Variants in BCL2 observed in about 807,000 individuals in gnomAD.
BCL2 encodes the protein apoptosis regulator Bcl-2.
BCL2 carries 1 observed loss-of-function variant against 14.2 expected under a neutral mutation model. The observed-to-expected ratio is 0.07, with a 90% CI of 0.02 to 0.33. The LOEUF (loss-of-function observed/expected upper bound fraction) is 0.33. Ranked by LOEUF, BCL2 falls within the 10% of genes least tolerant of loss-of-function variation. The pLI, the probability that BCL2 is intolerant of heterozygous loss-of-function variation, is 0.99. For synonymous variants in BCL2, 151 were observed against 137.2 expected, an observed-to-expected ratio of 1.10 and a Z score of -0.70; for missense variants, 247 against 305.9, an observed-to-expected ratio of 0.81 and a Z score of 1.44.
intron 2 of BCL2, among the ~76,000 whole-genome samples, chr18:63,217,992 AAGG>A (rs752472273): frequency 1.4e-4 from 21 of 152,316 alleles, no homozygotes; most frequent in Non-Finnish European, 1.9e-4. Flanking sequence ...GGAAAAAAGG[AAGG>A]AAGGGAGGGA....
At chr18:63,187,666 G>C (rs1915621262) in intron 2 of BCL2, among the ~76,000 whole-genome samples, 1 of 152,186 alleles carries the variant, frequency 6.6e-6, no homozygotes, top group South Asian at 2.1e-4. Flanking sequence ...TGTCAGAAAA[G>C]CAAGAAATGG....
intron 2 of BCL2, among the ~76,000 whole-genome samples, chr18:63,170,362 G>C (rs1029350343): frequency 2.6e-5 from 4 of 152,110 alleles, no homozygotes; most frequent in African/African-American, 9.7e-5. Flanking sequence ...CAATGAGCTT[G>C]GAATGGTGCC....
At chr18:63,193,657 T>C (rs58807442) in intron 2 of BCL2, among the ~76,000 whole-genome samples, 95,747 of 149,810 alleles carry the variant, frequency 0.64, 31,193 homozygotes, top group Non-Finnish European at 0.71. Context: ...TATATACACA[T>C]ACATATATAT....
chr18:63,303,358 G>GA (rs879675424), intron 2 of BCL2, among the ~76,000 whole-genome samples: 4 of 150,852 alleles, frequency 2.7e-5, no homozygotes, highest in South Asian at 2.1e-4. Flanking sequence ...AAGGGAGACA[G>GA]AAAAAAAAAG....
chr18:63,306,000 C>T (rs899700475), intron 2 of BCL2, among the ~76,000 whole-genome samples: 5 of 151,922 alleles, frequency 3.3e-5, no homozygotes, highest in Admixed American at 6.6e-5. Context: ...ACTTGAGCCC[C>T]GGAGTTCGAG....
intron 2 of BCL2, among the ~76,000 whole-genome samples, chr18:63,131,280 T>A (rs569047441): frequency 3.3e-5 from 5 of 152,262 alleles, no homozygotes; most frequent in Non-Finnish European, 4.4e-5. Flanking sequence ...TTGGAGGTCC[T>A]TGGTTAACTT....
intron 2 of BCL2, among the ~76,000 whole-genome samples, chr18:63,259,177 T>C (rs1466211450): frequency 6.6e-6 from 1 of 152,240 alleles, no homozygotes; most frequent in Non-Finnish European, 1.5e-5. Flanking sequence ...CATTGAGCCC[T>C]GCAGCCTGTA....
intron 2 of BCL2, among the ~76,000 whole-genome samples, chr18:63,213,539 CACACATAA>C (rs765451735): frequency 9.6e-5 from 8 of 83,316 alleles, no homozygotes; most frequent in African/African-American, 2.6e-4. Context: ...CACACACACA[CACACATAA>C]ACACACACAC....
At chr18:63,226,286 T>C (rs942547661) in intron 2 of BCL2, among the ~76,000 whole-genome samples, 2 of 152,156 alleles carry the variant, frequency 1.3e-5, no homozygotes, top group African/African-American at 4.8e-5. Context: ...GGGCAGGCCA[T>C]GGGTGGTTTT....
chr18:63,155,482 G>A (rs77178835), intron 2 of BCL2, among the ~76,000 whole-genome samples: 1 of 152,248 alleles, frequency 6.6e-6, no homozygotes, highest in African/African-American at 2.4e-5. Flanking sequence ...GAAAAGGAGG[G>A]TCTCGGAGGG....
chr18:63,147,363 T>C (rs1439965517), intron 2 of BCL2, among the ~76,000 whole-genome samples: 5 of 152,214 alleles, frequency 3.3e-5, no homozygotes, highest in Non-Finnish European at 5.9e-5. Context: ...AAGGGTTTGA[T>C]ACAGTTGGGG....
intron 2 of BCL2, among the ~76,000 whole-genome samples, chr18:63,193,711 A>G (rs569725798): frequency 1.6e-4 from 25 of 152,094 alleles, no homozygotes; most frequent in African/African-American, 6.0e-4. Flanking sequence ...CTGTGAAATG[A>G]CATTCCTTGA....
intron 2 of BCL2, among the ~76,000 whole-genome samples, chr18:63,130,761 T>G (rs1239782858): frequency 6.6e-6 from 1 of 152,216 alleles, no homozygotes; most frequent in South Asian, 2.1e-4. Flanking sequence ...TTTTTGTATA[T>G]AAATTCTTGT....
intron 2 of BCL2, among the ~76,000 whole-genome samples, chr18:63,209,377 G>A (rs1909934539): frequency 6.6e-6 from 1 of 152,196 alleles, no homozygotes; most frequent in Non-Finnish European, 1.5e-5. Context: ...GACAGGGTTG[G>A]AAGTGGGGGA....
At chr18:63,196,763 A>G (rs1391407722) in intron 2 of BCL2, among the ~76,000 whole-genome samples, 1 of 152,208 alleles carries the variant, frequency 6.6e-6, no homozygotes, top group Non-Finnish European at 1.5e-5. Context: ...AAAATTTTAA[A>G]AACTTTTTTA....
At chr18:63,189,189 T>TAAA (rs34498028) in intron 2 of BCL2, among the ~76,000 whole-genome samples, 1 of 135,366 alleles carries the variant, frequency 7.4e-6, no homozygotes, top group African/African-American at 2.8e-5. Context: ...TAACAGCATA[T>TAAA]AAAAAAAAAA....
intron 2 of BCL2, among the ~76,000 whole-genome samples, chr18:63,271,734 C>T (rs986862497): frequency 1.3e-5 from 2 of 152,200 alleles, no homozygotes; most frequent in Admixed American, 1.3e-4. Flanking sequence ...TTATTTCAAA[C>T]CAAGCTAGCA....
chr18:63,250,917 G>A (rs1011676601), intron 2 of BCL2, among the ~76,000 whole-genome samples: 2 of 152,086 alleles, frequency 1.3e-5, no homozygotes, highest in Non-Finnish European at 2.9e-5. Context: ...TGGATACCAC[G>A]GAGTTCCAAT....
intron 2 of BCL2, among the ~76,000 whole-genome samples, chr18:63,237,746 G>A (rs1599262090): frequency 6.6e-6 from 1 of 152,122 alleles, no homozygotes; most frequent in Non-Finnish European, 1.5e-5. Context: ...GACAAAACAC[G>A]GCAAGGATTC....
Sources: allele counts gnomAD v4.1 joint callset (sites outside exome capture counted in the v4.1 genomes callset), GRCh38; gene constraint gnomAD v4.1.1; transcripts MANE v1.5; gene names NCBI Gene and HGNC (gene_info 2026-07-23, HGNC 2026-07-21).